Variants in PCDHA9 observed in about 807,000 individuals in gnomAD.
The protein encoded by PCDHA9 is protocadherin alpha 9.
PCDHA9 carries 62 observed loss-of-function variants against 62.0 expected under a neutral mutation model. The ratio of observed to expected loss-of-function variants is 1.00; its 90% CI spans 0.81 to 1.23. PCDHA9 has a LOEUF of 1.23. PCDHA9 is among the 50% of genes most tolerant of loss of function. The pLI, the probability that PCDHA9 is intolerant of heterozygous loss-of-function variation, is 0.00. For synonymous variants in PCDHA9, 557 were observed against 567.6 expected (o/e 0.98, Z 0.27); for missense variants, 1,205 against 1,249.8 (o/e 0.96, Z 0.54).
chr5:140,939,701 T>C (rs782486336), intron 1 of PCDHA9, among the ~76,000 whole-genome samples: 2 of 152,210 alleles, frequency 1.3e-5, no homozygotes, highest in Non-Finnish European at 2.9e-5. Context: ...GACATTATCA[T>C]TTGTGAGATA....
rs556593659 is a variant in PCDHA9, at chr5:140,966,652, G to A, written c.2395-12297G>A. ...CCCAGGCGCTTTCTAGAGCGTGAGC[G>A]GTGGGGGAGCAGGCGCAGGGTGGCA... On this transcript the variant is annotated intron_variant, in intron 1 of 3. Coordinates refer to ENST00000532602, the MANE Select transcript of PCDHA9 (RefSeq NM_031857.2). 1.0e-5 allele frequency: 12 copies of A among 1,169,200 alleles called. No homozygotes were observed. In the Admixed American group the frequency reaches 2.0e-4, roughly 19 times the overall value. The allele number at this position is 1,169,200 out of a possible 1,614,324, so 72.4% of individuals were successfully genotyped here.
At chr5:140,928,809 GGACCATGGA>G (rs1563109708) in intron 1 of PCDHA9, 1 of 1,614,078 alleles carries the variant, frequency 6.2e-7, no homozygotes, top group Non-Finnish European at 8.5e-7. Flanking sequence ...TAGTGGTTCG[GGACCATGGA>G]GACCCACCAC....
In PCDHA9 at chr5:140,850,799, C is replaced by T. The variant is rs2150498794; in HGVS notation, c.2304C>T (p.Asp768=). Residue 768 remains aspartate (D), a synonymous_variant, in exon 1 of 4, where the codon GAC becomes GAT. Coordinates refer to ENST00000532602, the MANE Select transcript of PCDHA9 (RefSeq NM_031857.2). ...CTGGCGAGGGTAAGCAGAAGACCGA[C>T]CTCATGGCCTTCAGCCCGGGCCTTT... ...VCSGEGKQKT[D]LMAFSPGLSP... is the part of the protein sequence containing the mutation. The T allele has an allele frequency of 1.8e-4, 280 of 1,598,266 alleles. 23 individuals are homozygous for T. The Admixed American group carries it at 4.6e-3, about 26-fold the overall frequency.
intron 1 of PCDHA9, chr5:140,967,531 T>C (rs1399482021): frequency 3.7e-6 from 6 of 1,613,104 alleles, no homozygotes; most frequent in Non-Finnish European, 4.2e-6. Context: ...ACAACTCTCC[T>C]GCCTTTGACC....
chr5:140,853,659 A>T (rs1216918086), intron 1 of PCDHA9: 1 of 988,622 alleles, frequency 1.0e-6, no homozygotes, highest in African/African-American at 1.8e-5. Context: ...TGTTCCAGAC[A>T]AATTGGGGCC....
At chr5:140,928,594 G>A in intron 1 of PCDHA9, 1 of 1,614,204 alleles carries the variant, frequency 6.2e-7, no homozygotes, top group Non-Finnish European at 8.5e-7. Context: ...TGTCCCAGTG[G>A]AAATTGTGCC....
rs781982439 is a variant in PCDHA9, at chr5:140,967,345, C to G, written c.2395-11604C>G. 3 of 1,607,752 alleles carry G rather than the reference C, an allele frequency of 1.9e-6. No homozygotes were observed. The South Asian group carries it at 3.3e-5, about 18-fold the overall frequency. On this transcript the variant is annotated intron_variant, in intron 1 of 3. Coordinates refer to ENST00000532602, the MANE Select transcript of PCDHA9 (RefSeq NM_031857.2). ...ACGAGCTCAGCCCCAGCGAGCACTT[C>G]GAGCTGGACCTTAAGCCCCTGCAGG...
chr5:140,882,996 A>G lies in PCDHA9; in HGVS notation c.2394+32107A>G, dbSNP rs782381110. On this transcript the variant is annotated intron_variant, in intron 1 of 3. Transcript: ENST00000532602. The stretch of plus-strand genomic sequence containing the variant: ...GTGAATGACAACGCCCCGGAATTTT[A>G]CCAATCCGTTTATAAAGTGACGGTG... 2.9e-5 allele frequency: 46 copies of G among 1,614,024 alleles called. No individual in the cohort carries two copies. The Middle Eastern group carries it at 4.9e-4, about 17-fold the overall frequency.
At chr5:140,994,329 T>A (rs1041024319) in intron 3 of PCDHA9, among the ~76,000 whole-genome samples, 2 of 152,096 alleles carry the variant, frequency 1.3e-5, no homozygotes, top group Non-Finnish European at 2.9e-5. Context: ...TCAGCAACCA[T>A]GAACAGTGGA....
At chr5:140,931,507 T>C (rs564431042) in intron 1 of PCDHA9, among the ~76,000 whole-genome samples, 1 of 152,016 alleles carries the variant, frequency 6.6e-6, no homozygotes, top group African/African-American at 2.4e-5. Flanking sequence ...TTTAAACATA[T>C]ATGAATGATT....
intron 1 of PCDHA9, among the ~76,000 whole-genome samples, chr5:140,971,045 T>C (rs2096453995): frequency 6.6e-6 from 1 of 152,090 alleles, no homozygotes; most frequent in East Asian, 1.9e-4. Context: ...CGTAAAAGGG[T>C]TTAGCTTTAA....
At chr5:140,858,422 G>C in intron 1 of PCDHA9, 3 of 1,554,774 alleles carry the variant, frequency 1.9e-6, no homozygotes, top group Non-Finnish European at 2.6e-6. Flanking sequence ...TATTGGAGGG[G>C]ACCACTCTAG....
chr5:140,928,043 C>T, intron 1 of PCDHA9: 1 of 1,614,192 alleles, frequency 6.2e-7, no homozygotes, highest in Non-Finnish European at 8.5e-7. Context: ...AGTGCAGGCC[C>T]TTTTCAGCTG....
chr5:140,877,162 G>T (rs782642663), intron 1 of PCDHA9: 3 of 1,613,832 alleles, frequency 1.9e-6, no homozygotes, highest in Non-Finnish European at 1.7e-6. Context: ...CAACGCGCCG[G>T]CACTGCTGGC....
intron 1 of PCDHA9, chr5:140,875,865 G>A (rs782211791): frequency 6.2e-7 from 1 of 1,614,160 alleles, no homozygotes; most frequent in Non-Finnish European, 8.5e-7. Context: ...ACAACCCGCC[G>A]GTGTTCAGAG....
chr5:140,972,987 T>C (rs2096567014), intron 1 of PCDHA9, among the ~76,000 whole-genome samples: 1 of 152,044 alleles, frequency 6.6e-6, no homozygotes, highest in Admixed American at 6.6e-5. Flanking sequence ...TAAGGTAGAT[T>C]CTGTGCATTT....
At position 140,852,209 on chromosome 5, in the gene PCDHA9, A is replaced by AATTTTTATTTT. The variant is rs1554145712; in HGVS notation, c.2394+1321_2394+1322insTTTTTATTTTA. The AATTTTTATTTT allele has an allele frequency of 1.2e-5, 8 of 650,776 alleles. No homozygotes were observed. The East Asian group carries it at 1.1e-3, about 87-fold the overall frequency. 40.3% of individuals were successfully genotyped at this position (650,776 alleles called of 1,614,324 possible). ...AATGCCAGTAACGTTTATTTAAAAC[A>AATTTTTATTTT]AAATATTTTAATTTTTAAATTTTCC... is the stretch of plus-strand genomic sequence containing the variant. On this transcript the variant is annotated intron_variant, in intron 1 of 3. Coordinates refer to ENST00000532602, the MANE Select transcript of PCDHA9 (RefSeq NM_031857.2).
chr5:140,876,250 A>C (rs782111802), intron 1 of PCDHA9: 1 of 1,614,046 alleles, frequency 6.2e-7, no homozygotes. Context: ...AAACGACACA[A>C]GAGTGATCCA....
At chr5:140,998,769 G>A (rs1210690974) in intron 3 of PCDHA9, among the ~76,000 whole-genome samples, 1 of 152,054 alleles carries the variant, frequency 6.6e-6, no homozygotes, top group Non-Finnish European at 1.5e-5. Flanking sequence ...TCACTATGTT[G>A]GTCAGGCTGG....
Sources: allele counts gnomAD v4.1 joint callset (sites outside exome capture counted in the v4.1 genomes callset), GRCh38; gene constraint gnomAD v4.1.1; transcripts MANE v1.5; gene names NCBI Gene and HGNC (gene_info 2026-07-23, HGNC 2026-07-21).